The following HELZ2 variants were observed in gnomAD, a reference collection of about 807,000 sequenced individuals.
The protein encoded by HELZ2 is 3'-5' exoribonuclease HELZ2.
In HELZ2, 143 loss-of-function variants were observed where a neutral mutation model predicts 208.8. That is an observed-to-expected ratio of 0.68 (90% confidence interval 0.60 to 0.79). The LOEUF (loss-of-function observed/expected upper bound fraction) is 0.79. Among genes scored for constraint, HELZ2 ranks in the 30% least tolerant of loss-of-function variants. The pLI is 0.00. For missense variants in HELZ2, 3,690 were observed against 3,794.5 expected (o/e 0.97, Z 0.72); for synonymous variants, 1,705 against 1,693.7 (o/e 1.01, Z -0.16).
In HELZ2 at chr20:63,559,231, G is replaced by A. The variant is rs755681124; in HGVS notation, c.*15C>T. The A allele has an allele frequency of 7.2e-6, 11 of 1,527,656 alleles. No homozygotes were observed. The East Asian group carries it at 1.9e-4, about 26-fold the overall frequency. The allele number at this position is 1,527,656 out of a possible 1,614,324, so 94.6% of individuals were successfully genotyped here. A position where few individuals can be genotyped will look rare whatever the true frequency, so the allele number is the denominator to read the frequency against. ...TCCCTCCCAGTCCTGGCACCTTGCA[G>A]GTGGAGAGGGCTCTTCAGGAAGGCA... On this transcript the variant is annotated 3_prime_UTR_variant, in exon 19 of 19. Coordinates refer to ENST00000467148, the Ensembl canonical transcript of HELZ2.
At chr20:63,560,136 C>T (rs2082869491) in intron 17 of HELZ2, 35 bp downstream of exon 18, 1 of 1,549,828 alleles carries the variant, frequency 6.5e-7, no homozygotes, top group Middle Eastern at 1.8e-4. Context: ...GCTGCGCCCA[C>T]CCTCCCGGCC....
At chr20:63,563,688 G>T in exon 8 of HELZ2, 1 of 1,580,144 alleles carries the variant, frequency 6.3e-7, no homozygotes, top group Non-Finnish European at 8.6e-7. Context: ...GCGTGCTGGA[G>T]GCTGAAGGCC....
exon 8 of HELZ2, chr20:63,564,434 T>A: frequency 6.4e-7 from 1 of 1,553,580 alleles, no homozygotes; most frequent in Non-Finnish European, 8.7e-7. Context: ...CCTGATCACC[T>A]CCTCCGCCTC....
At chr20:63,572,341 C>A in exon 1 of HELZ2, 1 of 1,574,378 alleles carries the variant, frequency 6.4e-7, no homozygotes, top group South Asian at 1.1e-5. Context: ...TGAGCAGGTC[C>A]CCCCGCTGGA....
chr20:63,563,042 A>G (rs1220327127), exon 8 of HELZ2: 1 of 1,600,028 alleles, frequency 6.2e-7, no homozygotes, highest in East Asian at 2.3e-5. Context: ...GGCCCGGTAC[A>G]CACGGCCTGA....
chr20:63,562,770 G>C (rs200668006), exon 8 of HELZ2: 723 of 1,605,716 alleles, frequency 4.5e-4, no homozygotes, highest in Non-Finnish European at 5.9e-4. Flanking sequence ...CTGGCCGTGG[G>C]AGCCGGCAGC....
rs1025022657 is a variant in HELZ2, at chr20:63,563,344, G to C, written c.5478C>G (p.Ala1826=). The C allele has an allele frequency of 1.9e-6, 3 of 1,538,596 alleles. No individual in the cohort carries two copies. In the African/African-American group the frequency reaches 4.1e-5, roughly 21 times the overall value. ...CCAGCTCCAGCAGCTGCTTCCACAG[G>C]GCCGTCTCCACGGCCAGGGTGTGTG... The change falls in exon 8 of 19, where the codon GCC becomes GCG. Residue 1826 remains alanine, a synonymous_variant. Coordinates refer to ENST00000467148, the Ensembl canonical transcript of HELZ2.
exon 5 of HELZ2, chr20:63,568,945 C>A (rs775540138): frequency 6.2e-7 from 1 of 1,606,780 alleles, no homozygotes; most frequent in Non-Finnish European, 8.5e-7. Context: ...AGAGCATGTT[C>A]AGCGCTGGCG....
Position 63,570,495 on chromosome 20 carries a change from T to G in HELZ2, c.570+9A>C. On this transcript the variant is annotated intron_variant, in intron 3 of 18. Coordinates refer to ENST00000467148, the Ensembl canonical transcript of HELZ2. ...TCCCTCCGCCCAGTCGGAGCTGTTC[T>G]CCGCTCACCTCAGAGTGGACGGCAA... 3 of 1,608,544 alleles carry G rather than the reference T, an allele frequency of 1.9e-6. No homozygotes were observed. The highest frequency in any genetic ancestry group is 2.6e-6 in the Non-Finnish European group (3 of 1,175,814).
rs781517005 is a variant in HELZ2, at chr20:63,562,993, G to T, written c.5829C>A (p.Cys1943Ter). ...CCAGGGCGCAGAATGGTTCCCACAC[G>T]CAGGCGTACTCATCCACGTCGCGGT... The change falls in exon 8 of 19, where the codon TGC becomes TGA. Residue 1943 changes from cysteine to a stop codon, truncating the protein, a stop_gained. Coordinates refer to ENST00000467148, the Ensembl canonical transcript of HELZ2. LOFTEE classifies it high-confidence loss of function. 1 of 1,599,594 alleles carries T rather than the reference G, an allele frequency of 6.3e-7. No homozygotes were observed. Among genetic ancestry groups the T allele is most frequent in the Non-Finnish European group, 8.5e-7 (1 of 1,173,496 alleles).
In HELZ2 at chr20:63,561,938, A is replaced by C. The variant is rs1282891062; in HGVS notation, c.6576T>G (p.His2192Gln). The C allele has an allele frequency of 5.6e-6, 9 of 1,602,252 alleles. No individual in the cohort carries two copies. In the East Asian group the frequency reaches 1.8e-4, roughly 32 times the overall value. Residue 2192 changes from histidine to glutamine, a missense_variant, in exon 11 of 19, where the codon CAT becomes CAG. His to Gln is a conservative substitution (Grantham distance 24, BLOSUM62 0). This residue lies in a region of HELZ2 where 2,564 missense variants were observed against 2,580.5 expected (regional missense o/e 0.99). Coordinates refer to ENST00000467148, the Ensembl canonical transcript of HELZ2. The stretch of plus-strand genomic sequence containing the variant: ...GCTGCACCTGCTCCTGGTTTGATTT[A>C]TGAAACCAGAATACGATGTGGAGGC...
At chr20:63,570,771 C>T (rs1600985659) in exon 2 of HELZ2, 1 of 1,610,826 alleles carries the variant, frequency 6.2e-7, no homozygotes. Context: ...GCCGCCTGCC[C>T]CCGCAGCTCC....
At chr20:63,559,328 A>C (rs2082850903) in exon 19 of HELZ2, 1 of 1,602,670 alleles carries the variant, frequency 6.2e-7, no homozygotes, top group Non-Finnish European at 8.5e-7. Flanking sequence ...GAAGTCCAGG[A>C]GGCTACGCCA....
chr20:63,572,610 G>C, upstream of HELZ2: 1 of 534,706 alleles, frequency 1.9e-6, no homozygotes, highest in African/African-American at 2.0e-5. Context: ...CAGATGCATG[G>C]GGGACAGCGC....
At chr20:63,572,139 G>A (rs1437803777) in exon 1 of HELZ2, 22 of 1,611,460 alleles carry the variant, frequency 1.4e-5, no homozygotes, top group Non-Finnish European at 1.9e-5. Flanking sequence ...GAGAGTCCCG[G>A]GGGTGGGGAA....
chr20:63,572,149 A>T (rs537980765), exon 1 of HELZ2: 3 of 1,611,670 alleles, frequency 1.9e-6, no homozygotes, highest in African/African-American at 1.3e-5. Flanking sequence ...GGGGTGGGGA[A>T]CGGTGCTCCC....
chr20:63,564,405 G>A lies in HELZ2; in HGVS notation c.4417C>T (p.Arg1473Cys), dbSNP rs764474938. The change falls in exon 8 of 19, where the codon CGT becomes TGT. Residue 1473 changes from arginine to cysteine, a missense_variant. Arg to Cys is a radical substitution (Grantham distance 180). Around this residue, in one of 3 missense-constraint regions of HELZ2, gnomAD observed 2,564 missense variants for 2,580.5 expected, o/e 0.99. Transcript: ENST00000467148. ...GAGTCCAGGCGGGCCGGCAGCTCAC[G>A]GCCGGCACCCGGGTGCTGCCTGATC... The A allele has an allele frequency of 2.5e-5, 38 of 1,545,928 alleles. No homozygotes were observed. In the Admixed American group the frequency reaches 2.5e-4, roughly 10 times the overall value.
At chr20:63,572,652 G>A (rs1363401429), upstream of HELZ2, 28 of 453,648 alleles carry the variant, frequency 6.2e-5, no homozygotes, top group East Asian at 5.2e-4. Context: ...AGCTCGAAGC[G>A]GCCGCCAAAC....
At chr20:63,562,176 T>C in exon 10 of HELZ2, 1 of 1,611,924 alleles carries the variant, frequency 6.2e-7, no homozygotes, top group South Asian at 1.1e-5. Flanking sequence ...GTTGTAGGTC[T>C]GCCGCTCCAG....
Sources: allele counts gnomAD v4.1 joint callset, GRCh38; gene constraint gnomAD v4.1.1; regional missense constraint gnomAD v4.1.1; transcripts MANE v1.5; gene names NCBI Gene and HGNC (gene_info 2026-07-23, HGNC 2026-07-21).